The following RARB variants were observed in gnomAD, a reference collection of about 807,000 sequenced individuals.
The protein encoded by RARB is retinoic acid receptor beta.
Under a neutral mutation model 51.9 loss-of-function variants are expected in RARB, and 17 were observed. That is an observed-to-expected ratio of 0.33 (90% CI 0.22 to 0.49). RARB has a LOEUF of 0.49. Among genes scored for constraint, RARB ranks in the 20% least tolerant of loss-of-function variants. The pLI is 0.99. For missense variants in RARB, 369 were observed against 550.8 expected (o/e 0.67, Z 3.30); for synonymous variants, 215 against 195.4 (o/e 1.10, Z -0.84).
intron 2 of RARB, among the ~76,000 whole-genome samples, chr3:24,896,558 C>T (rs999845522): frequency 6.6e-6 from 1 of 152,066 alleles, no homozygotes; most frequent in Non-Finnish European, 1.5e-5. Flanking sequence ...CGCGCCTGGC[C>T]CTGGTACAGA....
intron 3 of RARB, among the ~76,000 whole-genome samples, chr3:25,513,149 T>C (rs1050122970): frequency 1.2e-4 from 18 of 146,108 alleles, no homozygotes; most frequent in Non-Finnish European, 2.2e-4. Context: ...TAGCCAGATG[T>C]GGTGGCATGC....
intron 4 of RARB, among the ~76,000 whole-genome samples, chr3:25,574,344 A>G (rs931587263): frequency 6.6e-6 from 1 of 152,208 alleles, no homozygotes; most frequent in Non-Finnish European, 1.5e-5. Context: ...TCCTGCCTGG[A>G]GGGTTCCATG....
chr3:25,469,364 G>C (rs4681064), intron 2 of RARB, among the ~76,000 whole-genome samples: 122,908 of 152,240 alleles, frequency 0.81, 49,975 homozygotes, highest in Middle Eastern at 0.91. Context: ...ACATGATGCT[G>C]TCTTTGGAGA....
chr3:24,891,616 T>A (rs900925321), intron 2 of RARB, among the ~76,000 whole-genome samples: 3 of 152,158 alleles, frequency 2.0e-5, no homozygotes, highest in Non-Finnish European at 2.9e-5. Context: ...TCATAACTTT[T>A]TTGTGGCTAA....
chr3:25,090,395 T>G lies in RARB; in HGVS notation c.-328+30219T>G, dbSNP rs186127253. ...AATGTTAACTTGTTTTGCACAAATA[T>G]TTTAATCTTAAGAAATATTTCACTG... is the stretch of plus-strand genomic sequence containing the variant. On this transcript the variant is annotated intron_variant, in intron 3 of 11. Coordinates refer to the RARB transcript ENST00000383772. Among the ~76,000 whole-genome samples the G allele has an allele frequency of 1.4e-3, 212 of 152,288 alleles. 1 individual carries two copies. Among genetic ancestry groups the G allele is most frequent in the Admixed American group, 4.1e-3 (63 of 15,278 alleles).
intron 1 of RARB, among the ~76,000 whole-genome samples, chr3:25,450,433 T>C (rs553190975): frequency 6.6e-6 from 1 of 152,322 alleles, no homozygotes; most frequent in East Asian, 1.9e-4. Flanking sequence ...GATAAGTGAC[T>C]GCTAGTAAGA....
chr3:25,037,114 C>G (rs903042223), intron 2 of RARB, among the ~76,000 whole-genome samples: 1 of 152,090 alleles, frequency 6.6e-6, no homozygotes, highest in African/African-American at 2.4e-5. Flanking sequence ...TTCGTTGAAG[C>G]GGAGACATGG....
At chr3:25,020,949 C>T (rs1307819203) in intron 2 of RARB, among the ~76,000 whole-genome samples, 9 of 151,986 alleles carry the variant, frequency 5.9e-5, no homozygotes, top group Admixed American at 6.6e-5. Flanking sequence ...AGCCTGGCAA[C>T]GGAGTGAAAC....
intron 2 of RARB, among the ~76,000 whole-genome samples, chr3:24,876,683 G>C (rs1703049302): frequency 6.6e-6 from 1 of 152,084 alleles, no homozygotes; most frequent in Non-Finnish European, 1.5e-5. Flanking sequence ...TTTTATAAAT[G>C]TGTCTTCAAG....
intron 2 of RARB, among the ~76,000 whole-genome samples, chr3:24,950,967 T>C (rs1462208659): frequency 3.3e-5 from 5 of 152,154 alleles, no homozygotes; most frequent in African/African-American, 1.2e-4. Context: ...AGGAGGGTTT[T>C]TCTGTGTGTC....
At chr3:24,923,313 A>G (rs895016649) in intron 2 of RARB, among the ~76,000 whole-genome samples, 1 of 152,072 alleles carries the variant, frequency 6.6e-6, no homozygotes, top group Admixed American at 6.6e-5. Context: ...CTTTTAAAGC[A>G]TTGCTGAGAC....
Position 25,035,409 on chromosome 3 carries a change from G to A in RARB, c.-379-24716G>A, listed in dbSNP as rs148654665. On this transcript the variant is annotated intron_variant, in intron 2 of 11. Coordinates refer to the RARB transcript ENST00000383772. ...AGTGCTGGAATTACAGTTGTGAGCC[G>A]CTGCGTCCAGCCTTTTTTTTTTTTT... is the stretch of plus-strand genomic sequence containing the variant. Among the ~76,000 whole-genome samples the A allele has an allele frequency of 3.0e-3, 438 of 145,826 alleles. 7 individuals carry two copies. Among genetic ancestry groups the A allele is most frequent in the African/African-American group, 0.01 (401 of 39,434 alleles).
intron 2 of RARB, chr3:25,020,295 GGC>G (rs1697606336): frequency 6.6e-6 from 1 of 151,934 alleles, no homozygotes; most frequent in Non-Finnish European, 1.5e-5. Flanking sequence ...ACCCTCCTTA[GGC>G]AACCTGGCAG....
At chr3:24,902,867 G>C (rs1347271030) in intron 2 of RARB, among the ~76,000 whole-genome samples, 1 of 152,112 alleles carries the variant, frequency 6.6e-6, no homozygotes, top group Non-Finnish European at 1.5e-5. Context: ...TAAAACTTCA[G>C]TTTAAGGGTT....
At chr3:25,028,229 T>G (rs1324773586) in intron 2 of RARB, among the ~76,000 whole-genome samples, 1 of 152,198 alleles carries the variant, frequency 6.6e-6, no homozygotes, top group African/African-American at 2.4e-5. Context: ...TACTGAAGGA[T>G]AATCTTTGTA....
chr3:25,270,623 C>T (rs778185229), intron 5 of RARB, among the ~76,000 whole-genome samples: 1 of 152,164 alleles, frequency 6.6e-6, no homozygotes, highest in Non-Finnish European at 1.5e-5. Flanking sequence ...AGAGAATAAG[C>T]CGTGTTATCC....
chr3:25,262,606 G>A (rs1703027948), intron 5 of RARB, among the ~76,000 whole-genome samples: 1 of 152,204 alleles, frequency 6.6e-6, no homozygotes, highest in African/African-American at 2.4e-5. Context: ...TCCAGCAATG[G>A]CTGGTTGACT....
intron 3 of RARB, among the ~76,000 whole-genome samples, chr3:25,505,676 A>C (rs1421484811): frequency 6.6e-6 from 1 of 152,158 alleles, no homozygotes; most frequent in East Asian, 1.9e-4. Context: ...AAGTGAAAAA[A>C]AAACTCGATT....
chr3:25,398,631 G>T (rs1707180919), intron 5 of RARB, among the ~76,000 whole-genome samples: 1 of 152,120 alleles, frequency 6.6e-6, no homozygotes, highest in African/African-American at 2.4e-5. Flanking sequence ...GATAAACCAA[G>T]CCCTGTTTCT....
Sources: gnomAD v4.1 joint callset for allele counts (sites outside exome capture counted in the v4.1 genomes callset) on GRCh38, gnomAD v4.1.1 for gene constraint, MANE v1.5 for transcripts, NCBI Gene and HGNC (gene_info 2026-07-23, HGNC 2026-07-21) for gene names.